The following USP47 variants were observed in gnomAD, a reference collection of about 807,000 sequenced individuals.
The protein encoded by USP47 is ubiquitin specific peptidase 47.
Under a neutral mutation model 165.1 loss-of-function variants are expected in USP47, and 35 were observed. The observed-to-expected ratio is 0.21, with a 90% CI of 0.16 to 0.28. The LOEUF is 0.28. Ranked by LOEUF, USP47 falls within the 10% of genes least tolerant of loss-of-function variation. The probability of loss-of-function intolerance (pLI) is 1.00; values close to 1 mark genes in which losing one functional copy is unlikely to be tolerated. For missense variants in USP47, 1,277 were observed against 1,607.4 expected, an observed-to-expected ratio of 0.79 and a Z score of 3.52; for synonymous variants, 531 against 544.5, an observed-to-expected ratio of 0.98 and a Z score of 0.35.
rs879556356 is a variant in USP47, at chr11:11,841,990, AGCGGCGGCGGCG to A, written c.-188_-177del. Reference sequence around the variant, plus strand: ...GGCCGACGACGAAGGCGGCTGTGGTAGCGGCGGCGGCGGCGGCGGAGCCCTGGGTCGGTGTCT... The same window carrying A: ...GGCCGACGACGAAGGCGGCTGTGGTAGCGGCGGAGCCCTGGGTCGGTGTCT... On this transcript the variant is annotated 5_prime_UTR_variant, in exon 1 of 28. Coordinates refer to ENST00000527733, the MANE Select transcript of USP47 (RefSeq NM_001282659.2). 3.8e-6 allele frequency: 2 copies of A among 531,274 alleles called. No individual in the cohort carries two copies. Among genetic ancestry groups the A allele is most frequent in the Non-Finnish European group, 6.5e-6 (2 of 309,282 alleles). 32.9% of individuals were successfully genotyped at this position (531,274 alleles called of 1,614,324 possible).
In USP47 at chr11:11,942,858, A is replaced by G; in HGVS notation, c.2837A>G (p.His946Arg). 1 of 1,613,770 alleles carries G rather than the reference A, an allele frequency of 6.2e-7. No individual in the cohort carries two copies. Among genetic ancestry groups the G allele is most frequent in the South Asian group, 1.1e-5 (1 of 91,080 alleles). ...GACAGTGATATTCTTAGCTCCAGTCATAGCAGTGATACTTTGTGCAATGCA... is the reference window on the plus strand; with the variant it reads ...GACAGTGATATTCTTAGCTCCAGTCGTAGCAGTGATACTTTGTGCAATGCA... Reference protein sequence around the residue: ...SVDSDILSSSHSSDTLCNADN... With the variant: ...SVDSDILSSSRSSDTLCNADN... Residue 946 changes from histidine (H) to arginine (R), a missense_variant, in exon 20 of 28, where the codon CAT becomes CGT. This residue lies in a region of USP47 where 909 missense variants were observed against 1,068.1 expected (regional missense o/e 0.85). Coordinates refer to ENST00000527733, the MANE Select transcript of USP47 (RefSeq NM_001282659.2).
chr11:11,842,030 G>A lies in USP47; in HGVS notation c.-156G>A. On this transcript the variant is annotated 5_prime_UTR_variant, in exon 1 of 28. Transcript: ENST00000527733. ...GGCGGAGCCCTGGGTCGGTGTCTGC[G>A]CGCTGGTGTCTGAGGCCCAGGCTGA... 1 of 882,018 alleles carries A rather than the reference G, an allele frequency of 1.1e-6. No homozygotes were observed. Among genetic ancestry groups the A allele is most frequent in the Non-Finnish European group, 1.7e-6 (1 of 595,812 alleles). 54.6% of individuals were successfully genotyped at this position (882,018 alleles called of 1,614,324 possible).
intron 1 of USP47, among the ~76,000 whole-genome samples, chr11:11,872,146 G>A (rs1850110378): frequency 6.6e-6 from 1 of 152,130 alleles, no homozygotes; most frequent in Non-Finnish European, 1.5e-5. Context: ...GCTAGGGGCT[G>A]GAATCGTCTG....
At chr11:11,890,942 T>C (rs1412412912) in intron 3 of USP47, among the ~76,000 whole-genome samples, 1 of 152,094 alleles carries the variant, frequency 6.6e-6, no homozygotes, top group African/African-American at 2.4e-5. Context: ...TTCTCACTTA[T>C]AAGTGGGAGC....
chr11:11,900,326 A>G (rs1268788939), intron 5 of USP47, among the ~76,000 whole-genome samples: 2 of 151,662 alleles, frequency 1.3e-5, no homozygotes, highest in Non-Finnish European at 2.9e-5. Context: ...TCGCCAGGCT[A>G]ATTTTTTGTA....
At chr11:11,890,276 G>A (rs1394833601) in intron 3 of USP47, among the ~76,000 whole-genome samples, 1 of 152,118 alleles carries the variant, frequency 6.6e-6, no homozygotes, top group Admixed American at 6.5e-5. Context: ...CCTACAGAAT[G>A]GGAGAAAATT....
At position 11,961,692 on chromosome 11, in the gene USP47, G is replaced by A. The variant is rs1435388721; in HGVS notation, c.*5517G>A. Among the ~76,000 whole-genome samples, 2 of 152,194 alleles carry A rather than the reference G, an allele frequency of 1.3e-5. No individual in the cohort carries two copies. Among genetic ancestry groups the A allele is most frequent in the African/African-American group, 4.8e-5 (2 of 41,446 alleles). On this transcript the variant is annotated 3_prime_UTR_variant, in exon 28 of 28. Transcript: ENST00000527733. ...GTTTGCCACTCTCCTTTTGTCAATTGGGAAAAAATTCCAGAAACTCTGGGA... is the reference window on the plus strand; with the variant it reads ...GTTTGCCACTCTCCTTTTGTCAATTAGGAAAAAATTCCAGAAACTCTGGGA...
At chr11:11,948,617 A>G in intron 22 of USP47, 59 bp downstream of exon 22, 1 of 1,433,494 alleles carries the variant, frequency 7.0e-7, no homozygotes, top group Non-Finnish European at 9.7e-7. Context: ...GAAAACATAG[A>G]ATATATTTTA....
chr11:11,928,658 G>A (rs769134753), intron 11 of USP47, among the ~76,000 whole-genome samples: 60 of 152,078 alleles, frequency 3.9e-4, no homozygotes, highest in Non-Finnish European at 7.8e-4. Flanking sequence ...TTGTGATAGA[G>A]TTACTGGTTT....
chr11:11,932,892 T>C, intron 14 of USP47, 112 bp from the exon 15 acceptor site: 1 of 739,102 alleles, frequency 1.4e-6, no homozygotes, highest in Non-Finnish European at 2.2e-6. Flanking sequence ...TGGAGATATA[T>C]CTCCATGAGT....
chr11:11,861,863 A>T (rs1849404824), intron 1 of USP47, among the ~76,000 whole-genome samples: 1 of 152,210 alleles, frequency 6.6e-6, no homozygotes, highest in Non-Finnish European at 1.5e-5. Flanking sequence ...CATGTAATTT[A>T]TAACATGTTT....
chr11:11,953,354 C>G (rs1286153193), intron 25 of USP47, among the ~76,000 whole-genome samples: 2 of 152,066 alleles, frequency 1.3e-5, no homozygotes, highest in Non-Finnish European at 2.9e-5. Flanking sequence ...GATTTATTTC[C>G]ATACTTCATA....
chr11:11,925,130 C>T (rs557294478), intron 11 of USP47, among the ~76,000 whole-genome samples: 9 of 148,666 alleles, frequency 6.1e-5, no homozygotes, highest in South Asian at 2.1e-4. Context: ...TTTTTTGAGA[C>T]GGAGTCTCGC....
chr11:11,883,679 C>G (rs987732108), intron 2 of USP47, among the ~76,000 whole-genome samples: 2 of 152,198 alleles, frequency 1.3e-5, no homozygotes, highest in Non-Finnish European at 2.9e-5. Flanking sequence ...TTCTCAACAG[C>G]AGTCTGGAGT....
At chr11:11,923,873 G>A (rs977659958) in intron 11 of USP47, among the ~76,000 whole-genome samples, 24 of 152,202 alleles carry the variant, frequency 1.6e-4, no homozygotes, top group Admixed American at 1.4e-3. Context: ...TAGAAACATG[G>A]CATTCTAGCA....
chr11:11,865,690 T>G (rs1310749634), intron 1 of USP47, among the ~76,000 whole-genome samples: 7 of 152,050 alleles, frequency 4.6e-5, no homozygotes, highest in African/African-American at 1.7e-4. Context: ...TCCTTATCTC[T>G]CTCTCTTTTT....
At chr11:11,948,199 G>A in intron 21 of USP47, 79 bp downstream of exon 21, 1 of 1,450,882 alleles carries the variant, frequency 6.9e-7, no homozygotes, top group South Asian at 1.4e-5. Flanking sequence ...ACTTCCAAGT[G>A]AGGTGAAGTA....
At chr11:11,897,862 A>G (rs1024005990) in intron 5 of USP47, among the ~76,000 whole-genome samples, 169 bp downstream of exon 5, 1 of 152,158 alleles carries the variant, frequency 6.6e-6, no homozygotes, top group African/African-American at 2.4e-5. Context: ...AAACAGGTAT[A>G]TGAAAAATGT....
Position 11,959,728 on chromosome 11 carries a change from A to G in USP47, c.*3553A>G, listed in dbSNP as rs1220170296. Among the ~76,000 whole-genome samples the G allele has an allele frequency of 6.6e-6, 1 of 152,176 alleles. No individual in the cohort carries two copies. Among genetic ancestry groups the G allele is most frequent in the African/African-American group, 2.4e-5 (1 of 41,426 alleles). ...GCTAGGAGGGCAAAAGAGAGTTGAGAGGAATGCTCTGCCCCTTCCCCATCA... is the reference window on the plus strand; with the variant it reads ...GCTAGGAGGGCAAAAGAGAGTTGAGGGGAATGCTCTGCCCCTTCCCCATCA... On this transcript the variant is annotated 3_prime_UTR_variant, in exon 28 of 28. Transcript: ENST00000527733.
Sources: allele counts gnomAD v4.1 joint callset (sites outside exome capture counted in the v4.1 genomes callset), GRCh38; gene constraint gnomAD v4.1.1; regional missense constraint gnomAD v4.1.1; transcripts MANE v1.5; gene names NCBI Gene and HGNC (gene_info 2026-07-23, HGNC 2026-07-21).